The following RNF13 variants were observed in gnomAD, a reference collection of about 807,000 sequenced individuals.
RNF13 encodes the protein E3 ubiquitin-protein ligase RNF13.
In RNF13, 19 loss-of-function variants were observed where a neutral mutation model predicts 37.7. The observed-to-expected ratio is 0.50, with a 90% CI of 0.35 to 0.74. RNF13 has a LOEUF of 0.74. RNF13 is among the 30% of genes least tolerant of loss of function. The pLI is 0.01. For synonymous variants in RNF13, 144 were observed against 157.8 expected (o/e 0.91, Z 0.65); for missense variants, 375 against 453.0 (o/e 0.83, Z 1.56).
chr3:149,825,723 C>T (rs1331962806), intron 1 of RNF13, among the ~76,000 whole-genome samples: 1 of 152,216 alleles, frequency 6.6e-6, no homozygotes, highest in Non-Finnish European at 1.5e-5. Flanking sequence ...ATGTCTCCCT[C>T]AGTGTTACTC....
At chr3:149,835,967 A>G (rs556358287) in intron 1 of RNF13, among the ~76,000 whole-genome samples, 2 of 152,102 alleles carry the variant, frequency 1.3e-5, no homozygotes, top group East Asian at 3.9e-4. Context: ...GAATCTCCAC[A>G]TTGTTTTCCA....
At chr3:149,889,536 C>T (rs1434171660) in intron 4 of RNF13, among the ~76,000 whole-genome samples, 2 of 150,734 alleles carry the variant, frequency 1.3e-5, no homozygotes, top group African/African-American at 4.9e-5. Context: ...ATCTCTTGAC[C>T]TCGTGATCTG....
chr3:149,832,866 A>G (rs1721201489), intron 1 of RNF13, among the ~76,000 whole-genome samples: 1 of 152,162 alleles, frequency 6.6e-6, no homozygotes, highest in African/African-American at 2.4e-5. Context: ...CCTATGGGAG[A>G]TTGAAGCAAT....
intron 1 of RNF13, among the ~76,000 whole-genome samples, chr3:149,838,453 A>G (rs907582835): frequency 6.6e-6 from 1 of 152,316 alleles, no homozygotes; most frequent in South Asian, 2.1e-4. Context: ...GCATTTCCAT[A>G]CAGATTCTGT....
At chr3:149,814,285 G>A (rs1238601669) in intron 1 of RNF13, 1 of 152,192 alleles carries the variant, frequency 6.6e-6, no homozygotes, top group East Asian at 1.9e-4. Flanking sequence ...AGGTGGCTGT[G>A]CCTCCAAAGA....
intron 8 of RNF13, among the ~76,000 whole-genome samples, chr3:149,959,538 A>C (rs1300257064): frequency 6.6e-6 from 1 of 152,218 alleles, no homozygotes; most frequent in African/African-American, 2.4e-5. Context: ...AGGTAAGTTA[A>C]TCTTTTTACT....
chr3:149,887,061 C>T (rs1313773444), intron 4 of RNF13, among the ~76,000 whole-genome samples: 6 of 152,084 alleles, frequency 3.9e-5, no homozygotes, highest in African/African-American at 1.4e-4. Context: ...TATCCAGGGA[C>T]GTTGAAGAGG....
At chr3:149,839,325 T>C (rs1721940183) in intron 1 of RNF13, among the ~76,000 whole-genome samples, 1 of 59,026 alleles carries the variant, frequency 1.7e-5, no homozygotes, top group Non-Finnish European at 3.4e-5. Context: ...ACTTCCCTTT[T>C]AAACTAAGTT....
chr3:149,891,823 A>G (rs1220658763), intron 4 of RNF13, among the ~76,000 whole-genome samples: 1 of 152,220 alleles, frequency 6.6e-6, no homozygotes, highest in Non-Finnish European at 1.5e-5. Flanking sequence ...TGAATGGGAA[A>G]CTTTGCAAAT....
chr3:149,960,673 C>CAAGAGATTAAATATAA, intron 9 of RNF13, 67 bp from the exon 10 acceptor site: 1 of 1,450,542 alleles, frequency 6.9e-7, no homozygotes, highest in Non-Finnish European at 9.3e-7. Flanking sequence ...ATAAATATGG[C>CAAGAGATTAAATATAA]AAGAGATTAA....
intron 6 of RNF13, among the ~76,000 whole-genome samples, chr3:149,904,913 T>C (rs141725250): frequency 1.3e-5 from 2 of 152,228 alleles, no homozygotes; most frequent in Non-Finnish European, 2.9e-5. Context: ...TTGTTTATCC[T>C]TGAGTAGATA....
At chr3:149,840,262 C>T (rs76982410) in intron 1 of RNF13, among the ~76,000 whole-genome samples, 2,586 of 152,252 alleles carry the variant, frequency 0.017, 82 homozygotes, top group African/African-American at 0.058. Context: ...GATCAAAGAT[C>T]GTGGTAGTGT....
chr3:149,930,898 G>A (rs1719094539), intron 8 of RNF13, among the ~76,000 whole-genome samples: 1 of 152,116 alleles, frequency 6.6e-6, no homozygotes, highest in Non-Finnish European at 1.5e-5. Flanking sequence ...AGGATTAATA[G>A]TGATGACCAC....
At chr3:149,876,982 G>A (rs766709700) in intron 4 of RNF13, among the ~76,000 whole-genome samples, 65 of 151,988 alleles carry the variant, frequency 4.3e-4, no homozygotes, top group Non-Finnish European at 6.3e-4. Flanking sequence ...ATTTCATCAT[G>A]TTGGCCAGGC....
At chr3:149,819,216 C>T (rs947369282) in intron 1 of RNF13, among the ~76,000 whole-genome samples, 4 of 152,154 alleles carry the variant, frequency 2.6e-5, no homozygotes, top group African/African-American at 9.7e-5. Flanking sequence ...CAAGCATGAG[C>T]TTCCATTGAA....
chr3:149,909,365 C>T (rs577790847), intron 6 of RNF13, among the ~76,000 whole-genome samples: 39 of 151,866 alleles, frequency 2.6e-4, no homozygotes, highest in Non-Finnish European at 4.9e-4. Context: ...ACCTCCGCCT[C>T]CCGGGTTCAA....
At chr3:149,925,866 T>C (rs1002486550) in intron 8 of RNF13, among the ~76,000 whole-genome samples, 2 of 152,248 alleles carry the variant, frequency 1.3e-5, no homozygotes, top group Non-Finnish European at 2.9e-5. Context: ...TCTATGTATT[T>C]ATCCAATACT....
chr3:149,892,707 C>T (rs113580330), intron 4 of RNF13, among the ~76,000 whole-genome samples: 162 of 152,170 alleles, frequency 1.1e-3, no homozygotes, highest in African/African-American at 3.6e-3. Flanking sequence ...ACACTTCTTA[C>T]GAGAATCTAA....
chr3:149,936,959 G>A (rs966244157), intron 8 of RNF13, among the ~76,000 whole-genome samples: 9 of 152,052 alleles, frequency 5.9e-5, no homozygotes, highest in Non-Finnish European at 8.8e-5. Context: ...AACGTTCGGC[G>A]CACTGACCAT....
Sources: gnomAD v4.1 joint callset for allele counts (sites outside exome capture counted in the v4.1 genomes callset) on GRCh38, gnomAD v4.1.1 for gene constraint, MANE v1.5 for transcripts, NCBI Gene and HGNC (gene_info 2026-07-23, HGNC 2026-07-21) for gene names.